The following PUM3 variants were observed in gnomAD, a reference collection of about 807,000 sequenced individuals.
PUM3 encodes pumilio homolog 3.
In PUM3, 91 loss-of-function variants were observed where a neutral mutation model predicts 84.0. The ratio of observed to expected loss-of-function variants is 1.08; its 90% confidence interval spans 0.91 to 1.29. The LOEUF (loss-of-function observed/expected upper bound fraction) is 1.29, where lower values mean the gene tolerates loss of function less well. PUM3 is among the 50% of genes most tolerant of loss of function. PUM3 has a pLI of 0.00. For missense variants in PUM3, 1,067 were observed against 767.5 expected, an observed-to-expected ratio of 1.39 and a Z score of -4.61; for synonymous variants, 321 against 266.7, an observed-to-expected ratio of 1.20 and a Z score of -1.98.
Position 2,820,148 on chromosome 9 carries a change from C to T in PUM3, c.1189-50G>A, listed in dbSNP as rs772548547. The T allele has an allele frequency of 8.9e-6, 10 of 1,118,210 alleles. No individual in the cohort carries two copies. In the East Asian group the frequency reaches 2.4e-4, roughly 26 times the overall value. The allele number at this position is 1,118,210 out of a possible 1,614,324, so 69.3% of individuals were successfully genotyped here. A position where few individuals can be genotyped will look rare whatever the true frequency, so the allele number is the denominator to read the frequency against. On this transcript the variant is annotated intron_variant, in intron 12 of 17. Coordinates refer to ENST00000397885, the MANE Select transcript of PUM3 (RefSeq NM_014878.5). ...GGTTAAAAACAAGTGCATAGATCTT[C>T]CCTCTTATTTCACACATGGAATATC...
At chr9:2,826,993 C>A in intron 10 of PUM3, 80 bp downstream of exon 10, 2 of 1,054,898 alleles carry the variant, frequency 1.9e-6, no homozygotes, top group Non-Finnish European at 2.9e-6. Flanking sequence ...CACAAGACAA[C>A]GTACATCAAA....
chr9:2,814,876 T>C (rs1323847573), intron 13 of PUM3, among the ~76,000 whole-genome samples: 2 of 152,188 alleles, frequency 1.3e-5, no homozygotes, highest in Non-Finnish European at 2.9e-5. Context: ...ACACTTTTAG[T>C]TAACATTTTT....
chr9:2,806,353 T>TTA (rs907091345), intron 17 of PUM3, among the ~76,000 whole-genome samples: 10 of 152,206 alleles, frequency 6.6e-5, no homozygotes, highest in African/African-American at 2.4e-4. Flanking sequence ...TCTGTAACAC[T>TTA]TATATATTTG....
Position 2,843,317 on chromosome 9 carries a change from G to A in PUM3, c.-11+728C>T, listed in dbSNP as rs983460672. Reference sequence around the variant, plus strand: ...ATCGCCTCTGCTTGAAGTACTCCCTGAGCTTCCAAATCTCCGTTTAAAGAT... The same window carrying A: ...ATCGCCTCTGCTTGAAGTACTCCCTAAGCTTCCAAATCTCCGTTTAAAGAT... On this transcript the variant is annotated intron_variant, in intron 1 of 17. Transcript: ENST00000397885. 2.0e-5 allele frequency among the ~76,000 whole-genome samples: 3 copies of A among 151,996 alleles called. 1 individual carries two copies. In the East Asian group the frequency reaches 5.8e-4, roughly 29 times the overall value.
intron 8 of PUM3, 21 bp from the exon 9 acceptor site, chr9:2,828,799 C>G: frequency 7.9e-7 from 1 of 1,271,474 alleles, no homozygotes; most frequent in South Asian, 1.2e-5. Context: ...ACAAAACAAT[C>G]AAACCCCTCT....
chr9:2,823,151 T>C (rs866754534), intron 12 of PUM3, among the ~76,000 whole-genome samples: 17 of 152,112 alleles, frequency 1.1e-4, no homozygotes, highest in African/African-American at 3.6e-4. Flanking sequence ...CAGTACACCA[T>C]AGCAACAGCA....
chr9:2,817,528 G>C (rs900797254), intron 13 of PUM3, among the ~76,000 whole-genome samples: 3 of 152,050 alleles, frequency 2.0e-5, no homozygotes, highest in African/African-American at 7.2e-5. Flanking sequence ...AAGAAAAAAA[G>C]CAAGATGCAG....
intron 17 of PUM3, among the ~76,000 whole-genome samples, chr9:2,806,417 C>A (rs1272408651): frequency 1.3e-5 from 2 of 152,136 alleles, no homozygotes; most frequent in African/African-American, 4.8e-5. Context: ...ATTATGTGTA[C>A]CAGATCACGT....
rs1329664284 is a variant in PUM3 at position 2,837,313 on chromosome 9, G to C, written c.171C>G (p.Ile57Met). ...KVTSRNFEKSITKLGKKGVKQ... is the reference protein window; with the variant it reads ...KVTSRNFEKSMTKLGKKGVKQ... ...TTACACCCTTTTTCCCAAGTTTTGT[G>C]ATACTTTTCTCAAAGTTCCTAGATG... The change falls in exon 3 of 18, where the codon ATC becomes ATG. Residue 57 changes from isoleucine (I) to methionine (M), a missense_variant. By Grantham distance (10) the Ile-to-Met change is conservative. Transcript: ENST00000397885. 3 of 1,613,802 alleles carry C rather than the reference G, an allele frequency of 1.9e-6. No homozygotes were observed. The highest frequency in any genetic ancestry group is 2.7e-5 in the African/African-American group (2 of 74,854).
At chr9:2,837,752 G>T (rs1207601577) in intron 2 of PUM3, among the ~76,000 whole-genome samples, 1 of 152,002 alleles carries the variant, frequency 6.6e-6, no homozygotes, top group Non-Finnish European at 1.5e-5. Context: ...TTTAATGATG[G>T]TCTACACAGA....
At chr9:2,807,417 G>C in intron 17 of PUM3, among the ~76,000 whole-genome samples, 1 of 151,558 alleles carries the variant, frequency 6.6e-6, no homozygotes, top group East Asian at 1.9e-4. Context: ...CCAACACAGG[G>C]AGACCCCCAT....
chr9:2,826,263 T>C (rs574424976), intron 10 of PUM3, among the ~76,000 whole-genome samples: 3 of 152,278 alleles, frequency 2.0e-5, no homozygotes, highest in Non-Finnish European at 4.4e-5. Flanking sequence ...CAAATAATCA[T>C]TGTGTCATTT....
At chr9:2,805,511 G>A (rs545841222) in intron 17 of PUM3, among the ~76,000 whole-genome samples, 23 of 152,204 alleles carry the variant, frequency 1.5e-4, no homozygotes, top group African/African-American at 5.1e-4. Context: ...ACAAAGAGGA[G>A]GATAAATTAT....
intron 16 of PUM3, among the ~76,000 whole-genome samples, chr9:2,808,973 A>G (rs771097547): frequency 1.3e-5 from 2 of 152,190 alleles, no homozygotes; most frequent in Non-Finnish European, 2.9e-5. Flanking sequence ...CATCTCGTGA[A>G]GGAGCCCAAG....
rs1317236229 is a variant in PUM3, at chr9:2,828,445, G to A, written c.956+230C>T. The stretch of plus-strand genomic sequence containing the variant: ...AAAGAATGTTTCATTGCTTAAAAAA[G>A]CTCATAAATCACGAATGCATGTTAG... On this transcript the variant is annotated intron_variant, in intron 9 of 17. Transcript: ENST00000397885. The A allele has an allele frequency of 1.9e-5, 8 of 422,678 alleles. No homozygotes were observed. In the East Asian group the frequency reaches 2.2e-4, roughly 12 times the overall value. The allele number at this position is 422,678 out of a possible 1,614,324, so 26.2% of individuals were successfully genotyped here.
chr9:2,824,894 G>T (rs1048984829), intron 10 of PUM3, 79 bp from the exon 11 acceptor site: 4 of 961,230 alleles, frequency 4.2e-6, no homozygotes, highest in Non-Finnish European at 5.8e-6. Flanking sequence ...GTCTACAGGG[G>T]GCAGTTATGC....
At chr9:2,841,307 G>C (rs920044684) in intron 1 of PUM3, among the ~76,000 whole-genome samples, 1 of 152,188 alleles carries the variant, frequency 6.6e-6, no homozygotes, top group South Asian at 2.1e-4. Flanking sequence ...TTAGAGGCTT[G>C]CATGGTGGCT....
rs1815844602 is a variant in PUM3, at chr9:2,827,147, C to T, written c.961G>A (p.Ala321Thr). ...TGCACCAATGAGTGCTTAATCACAGCTTCCCTGAAAACAGAAAAAAAAAGC... is the reference window on the plus strand; with the variant it reads ...TGCACCAATGAGTGCTTAATCACAGTTTCCCTGAAAACAGAAAAAAAAAGC... Reference protein sequence around the residue: ...QILTPMAQKEAVIKHSLVHKV... With the variant: ...QILTPMAQKETVIKHSLVHKV... Residue 321 changes from alanine (A) to threonine (T), a missense_variant, in exon 10 of 18, where the codon GCT becomes ACT. Physicochemically the swap from Ala to Thr is moderately conservative, Grantham distance 58. Transcript: ENST00000397885. 1.2e-6 allele frequency: 2 copies of T among 1,605,922 alleles called. No individual in the cohort carries two copies. The highest frequency in any genetic ancestry group is 1.7e-6 in the Non-Finnish European group (2 of 1,176,900).
At chr9:2,822,406 T>A (rs962440419) in intron 12 of PUM3, among the ~76,000 whole-genome samples, 2 of 151,976 alleles carry the variant, frequency 1.3e-5, no homozygotes, top group African/African-American at 2.4e-5. Context: ...ACCCCCAATA[T>A]TTGGAAATTA....
Sources: gnomAD v4.1 joint callset for allele counts (sites outside exome capture counted in the v4.1 genomes callset) on GRCh38, gnomAD v4.1.1 for gene constraint, MANE v1.5 for transcripts, NCBI Gene and HGNC (gene_info 2026-07-23, HGNC 2026-07-21) for gene names.